The following FHIT variants were observed in gnomAD, a reference collection of about 807,000 sequenced individuals.
FHIT encodes fragile histidine triad diadenosine triphosphatase.
In FHIT, 19 loss-of-function variants were observed where a neutral mutation model predicts 17.9. The observed-to-expected ratio is 1.06, with a 90% CI of 0.74 to 1.56. FHIT has a LOEUF of 1.56. Ranked by LOEUF, FHIT falls within the 40% of genes most tolerant of loss-of-function variation. FHIT has a pLI of 0.00. For missense variants in FHIT, 248 were observed against 189.2 expected (o/e 1.31, Z -1.82); for synonymous variants, 81 against 69.7 (o/e 1.16, Z -0.81).
At chr3:60,003,014 A>G (rs1699787101) in intron 7 of FHIT, among the ~76,000 whole-genome samples, 1 of 152,198 alleles carries the variant, frequency 6.6e-6, no homozygotes, top group Non-Finnish European at 1.5e-5. Flanking sequence ...TATATGCTAA[A>G]GATAATAAAG....
At chr3:59,914,810 T>C (rs1705053801) in intron 8 of FHIT, among the ~76,000 whole-genome samples, 2 of 152,078 alleles carry the variant, frequency 1.3e-5, no homozygotes, top group African/African-American at 4.8e-5. Flanking sequence ...ATTTTTCCAA[T>C]AGTCTTTTTT....
intron 5 of FHIT, among the ~76,000 whole-genome samples, chr3:60,017,415 GCC>G (rs1559552372): frequency 1.3e-5 from 2 of 152,150 alleles, no homozygotes; most frequent in Non-Finnish European, 1.5e-5. Flanking sequence ...CTGGCATTTT[GCC>G]CCTTCTCATC....
intron 5 of FHIT, among the ~76,000 whole-genome samples, chr3:60,196,380 C>A (rs921116338): frequency 6.6e-6 from 1 of 152,124 alleles, no homozygotes; most frequent in Non-Finnish European, 1.5e-5. Flanking sequence ...AACACTCAGA[C>A]CTCTGCATCC....
chr3:60,341,566 C>T (rs1360571720), intron 5 of FHIT, among the ~76,000 whole-genome samples: 1 of 151,980 alleles, frequency 6.6e-6, no homozygotes, highest in East Asian at 1.9e-4. Context: ...GGTAACACAC[C>T]ATTGGTTGCT....
intron 5 of FHIT, among the ~76,000 whole-genome samples, chr3:60,343,902 TA>T (rs752979001): frequency 6.6e-5 from 10 of 152,200 alleles, no homozygotes; most frequent in Non-Finnish European, 1.5e-4. Context: ...GCTCATGTTG[TA>T]AAAATCATGT....
chr3:60,195,821 G>A (rs948264197), intron 5 of FHIT, among the ~76,000 whole-genome samples: 7 of 140,070 alleles, frequency 5.0e-5, no homozygotes, highest in African/African-American at 1.8e-4. Context: ...GAGGAGCTAA[G>A]CTATGGATAT....
intron 4 of FHIT, among the ~76,000 whole-genome samples, chr3:60,802,133 C>G (rs181958781): frequency 6.6e-6 from 1 of 152,284 alleles, no homozygotes; most frequent in East Asian, 1.9e-4. Flanking sequence ...ATCATTCAAT[C>G]ATGTTGCTAA....
chr3:60,124,041 G>GAGAGAGAGAGAGAGAGAGAGAGAGAC (rs1705417901), intron 5 of FHIT, among the ~76,000 whole-genome samples: 2 of 47,660 alleles, frequency 4.2e-5, no homozygotes, highest in Non-Finnish European at 8.5e-5. Context: ...GAGAGAGAGA[G>GAGAGAGAGAGAGAGAGAGAGAGAGAC]AGAGAGAGAG....
chr3:61,063,222 C>T (rs2034488665), intron 2 of FHIT, among the ~76,000 whole-genome samples: 1 of 130,468 alleles, frequency 7.7e-6, no homozygotes, highest in African/African-American at 2.8e-5. Context: ...CGCCACTGCA[C>T]TCCAGCCTGA....
chr3:59,898,060 C>T (rs528586942), intron 8 of FHIT, among the ~76,000 whole-genome samples: 1 of 152,274 alleles, frequency 6.6e-6, no homozygotes, highest in Admixed American at 6.5e-5. Context: ...AGCCACGGTG[C>T]CCAGCCCAAA....
At chr3:60,233,942 C>A (rs185724123) in intron 5 of FHIT, among the ~76,000 whole-genome samples, 1 of 152,266 alleles carries the variant, frequency 6.6e-6, no homozygotes, top group Admixed American at 6.5e-5. Context: ...AACTGTGAAT[C>A]CATTAAACCT....
chr3:59,863,669 A>T (rs1469356753), intron 8 of FHIT, among the ~76,000 whole-genome samples: 2 of 152,194 alleles, frequency 1.3e-5, no homozygotes, highest in East Asian at 3.9e-4. Flanking sequence ...AATTAAGATT[A>T]TTACCGTCAT....
intron 4 of FHIT, among the ~76,000 whole-genome samples, chr3:60,760,527 A>G (rs1553719508): frequency 3.9e-5 from 6 of 152,340 alleles, no homozygotes; most frequent in East Asian, 1.9e-4. Flanking sequence ...TGCCTTTCAT[A>G]TGAATCCACA....
At chr3:61,190,652 T>C (rs1363958234) in intron 2 of FHIT, among the ~76,000 whole-genome samples, 1 of 152,182 alleles carries the variant, frequency 6.6e-6, no homozygotes, top group Non-Finnish European at 1.5e-5. Flanking sequence ...TGTGGCACTA[T>C]TCACAATAGC....
intron 5 of FHIT, among the ~76,000 whole-genome samples, chr3:60,051,209 G>A (rs1031981655): frequency 6.6e-6 from 1 of 151,882 alleles, no homozygotes; most frequent in Non-Finnish European, 1.5e-5. Context: ...AAAATGCATA[G>A]TGTTAAAAAA....
At chr3:60,314,408 C>T (rs189039858) in intron 5 of FHIT, among the ~76,000 whole-genome samples, 340 of 152,034 alleles carry the variant, frequency 2.2e-3, no homozygotes, top group Non-Finnish European at 3.7e-3. Context: ...TAAGTTCACC[C>T]GAGCCTGGAT....
chr3:61,026,317 G>A (rs1171804475), intron 3 of FHIT, among the ~76,000 whole-genome samples: 1 of 152,118 alleles, frequency 6.6e-6, no homozygotes, highest in African/African-American at 2.4e-5. Flanking sequence ...TCTGAGGCCA[G>A]CTCCACCTCT....
intron 4 of FHIT, among the ~76,000 whole-genome samples, chr3:60,704,064 C>CA (rs2041311667): frequency 1.3e-5 from 2 of 151,974 alleles, no homozygotes; most frequent in Non-Finnish European, 2.9e-5. Flanking sequence ...GGGTACATAC[C>CA]ATCTTCCTCC....
chr3:60,101,539 C>T (rs551987252), intron 5 of FHIT, among the ~76,000 whole-genome samples: 3 of 152,160 alleles, frequency 2.0e-5, no homozygotes, highest in South Asian at 2.1e-4. Flanking sequence ...TATTACATTA[C>T]GTATTTTTTT....
Sources: allele counts gnomAD v4.1 joint callset (sites outside exome capture counted in the v4.1 genomes callset), GRCh38; gene constraint gnomAD v4.1.1; transcripts MANE v1.5; gene names NCBI Gene and HGNC (gene_info 2026-07-23, HGNC 2026-07-21).